The following MSRB3 variants were observed in gnomAD, a reference collection of about 807,000 sequenced individuals.
MSRB3 encodes methionine-R-sulfoxide reductase B3.
In MSRB3, 13 loss-of-function variants were observed where a neutral mutation model predicts 21.0. The ratio of observed to expected loss-of-function variants is 0.62; its 90% CI spans 0.40 to 0.98. The LOEUF (loss-of-function observed/expected upper bound fraction) is 0.98, where lower values mean the gene tolerates loss of function less well. Among genes scored for constraint, MSRB3 ranks in the 50% least tolerant of loss-of-function variants. The probability of loss-of-function intolerance (pLI) is 0.00; values close to 1 mark genes in which losing one functional copy is unlikely to be tolerated. For missense variants in MSRB3, 199 were observed against 230.3 expected, an observed-to-expected ratio of 0.86 and a Z score of 0.88; for synonymous variants, 87 against 88.6, an observed-to-expected ratio of 0.98 and a Z score of 0.10.
intron 5 of MSRB3, among the ~76,000 whole-genome samples, chr12:65,437,765 T>C (rs1456302476): frequency 6.6e-6 from 1 of 151,990 alleles, no homozygotes; most frequent in East Asian, 1.9e-4. Flanking sequence ...ATCATAAAAT[T>C]CCATTTCCCT....
Position 65,298,695 on chromosome 12 carries a change from C to G in MSRB3, c.-51-9834C>G, listed in dbSNP as rs549399179. ...CATTATAATTTTATTTAATAATTTT[C>G]TATTTTCTATGGGGAGGGATACAAA... is the stretch of plus-strand genomic sequence containing the variant. On this transcript the variant is annotated intron_variant, in intron 1 of 6. Coordinates refer to ENST00000308259, the MANE Select transcript of MSRB3 (RefSeq NM_001031679.3). Among the ~76,000 whole-genome samples the G allele has an allele frequency of 2.0e-5, 3 of 152,122 alleles. No individual in the cohort carries two copies. The East Asian group carries it at 5.8e-4, about 29-fold the overall frequency.
At chr12:65,311,842 C>A (rs961173199) in intron 2 of MSRB3, among the ~76,000 whole-genome samples, 2 of 151,912 alleles carry the variant, frequency 1.3e-5, no homozygotes, top group African/African-American at 4.8e-5. Context: ...CTGGATTGAC[C>A]TGCATGAAGG....
intron 4 of MSRB3, among the ~76,000 whole-genome samples, chr12:65,349,680 A>T (rs1224318385): frequency 0.033 from 4,502 of 137,910 alleles, 372 homozygotes; most frequent in African/African-American, 0.15. Flanking sequence ...CATTTTTTCA[A>T]GTGTTTTTTG....
intron 5 of MSRB3, among the ~76,000 whole-genome samples, chr12:65,405,442 A>G (rs1361471228): frequency 6.6e-6 from 1 of 151,260 alleles, no homozygotes; most frequent in Non-Finnish European, 1.5e-5. Context: ...TATATCATAT[A>G]TGATATATAT....
At chr12:65,317,243 T>G (rs1246886720) in intron 2 of MSRB3, among the ~76,000 whole-genome samples, 4 of 152,150 alleles carry the variant, frequency 2.6e-5, no homozygotes, top group African/African-American at 9.7e-5. Flanking sequence ...CATCATGAAA[T>G]TGAGAAACCC....
chr12:65,346,907 A>G (rs1876552979), intron 4 of MSRB3, among the ~76,000 whole-genome samples: 1 of 152,034 alleles, frequency 6.6e-6, no homozygotes, highest in South Asian at 2.1e-4. Context: ...GATATGCAGC[A>G]TTATTTCTGA....
rs531105011 is a variant in MSRB3, at chr12:65,297,258, G to A, written c.-51-11271G>A. On this transcript the variant is annotated intron_variant, in intron 1 of 6. Transcript: ENST00000308259. Reference sequence around the variant, plus strand: ...GGGAGGGAGAGCATTAGGAAAAATAGCTAATGCATGCTGGGCTTAATACCT... The same window carrying A: ...GGGAGGGAGAGCATTAGGAAAAATAACTAATGCATGCTGGGCTTAATACCT... 3.3e-5 allele frequency among the ~76,000 whole-genome samples: 5 copies of A among 152,208 alleles called. No homozygotes were observed. In the East Asian group the frequency reaches 5.8e-4, roughly 18 times the overall value.
intron 1 of MSRB3, chr12:65,286,566 G>T (rs563013147): frequency 6.6e-6 from 1 of 152,208 alleles, no homozygotes; most frequent in South Asian, 2.1e-4. Context: ...TTATAGCCGT[G>T]ACATGTCTTC....
At chr12:65,429,245 T>A (rs1445261842) in intron 5 of MSRB3, among the ~76,000 whole-genome samples, 1 of 152,132 alleles carries the variant, frequency 6.6e-6, no homozygotes, top group Non-Finnish European at 1.5e-5. Context: ...TGATAGGGAA[T>A]GATGGTGGTA....
rs538726463 is a variant in MSRB3, at chr12:65,373,865, G to A, written c.292+4839G>A. 6.0e-5 allele frequency among the ~76,000 whole-genome samples: 9 copies of A among 150,118 alleles called. 1 individual carries two copies. In the South Asian group the frequency reaches 1.7e-3, roughly 28 times the overall value. ...AAAAAGCAGCTAGTGTCGCTTTTAG[G>A]ATCTGTAGTTAAAAAGGAATCTACA... is the stretch of plus-strand genomic sequence containing the variant. On this transcript the variant is annotated intron_variant, in intron 5 of 6. Transcript: ENST00000308259.
intron 2 of MSRB3, among the ~76,000 whole-genome samples, chr12:65,310,450 C>G (rs1329405977): frequency 1.3e-5 from 2 of 152,164 alleles, no homozygotes; most frequent in African/African-American, 2.4e-5. Flanking sequence ...CTTTGCAGAA[C>G]CTTTTCAATG....
chr12:65,294,488 A>G (rs541741505), intron 1 of MSRB3, among the ~76,000 whole-genome samples: 158 of 152,120 alleles, frequency 1.0e-3, no homozygotes, highest in African/African-American at 3.7e-3. Flanking sequence ...TATACTTATC[A>G]TTTTGATGGG....
rs187621818 is a variant in MSRB3 at position 65,366,644 on chromosome 12, G to A, written c.264-2354G>A. On this transcript the variant is annotated intron_variant, in intron 4 of 6. Transcript: ENST00000308259. ...CTTGATGACTAATTAGATATTGGGG[G>A]TGCAGAAGAAATCTAGAATAATGCC... Among the ~76,000 whole-genome samples, 3 of 152,172 alleles carry A rather than the reference G, an allele frequency of 2.0e-5. No individual in the cohort carries two copies. The South Asian group carries it at 6.2e-4, about 32-fold the overall frequency.
chr12:65,338,700 A>G (rs554539140), intron 4 of MSRB3, among the ~76,000 whole-genome samples: 2 of 152,342 alleles, frequency 1.3e-5, no homozygotes, highest in East Asian at 1.9e-4. Flanking sequence ...AAAAATAACA[A>G]CAAAATCAAT....
At chr12:65,459,936 G>A (rs2136714722) in intron 6 of MSRB3, among the ~76,000 whole-genome samples, 1 of 152,276 alleles carries the variant, frequency 6.6e-6, no homozygotes, top group African/African-American at 2.4e-5. Flanking sequence ...GCTTTTCTGA[G>A]TGGGAGGCTT....
chr12:65,456,379 G>A (rs949867397), intron 6 of MSRB3, among the ~76,000 whole-genome samples: 1 of 152,052 alleles, frequency 6.6e-6, no homozygotes, highest in African/African-American at 2.4e-5. Context: ...ATTCACTGTT[G>A]GAATAAGCTT....
chr12:65,313,816 A>C (rs1874133215), intron 2 of MSRB3, among the ~76,000 whole-genome samples: 1 of 152,280 alleles, frequency 6.6e-6, no homozygotes, highest in Non-Finnish European at 1.5e-5. Flanking sequence ...TTTTTAAAGA[A>C]ATAGAAAAAA....
chr12:65,431,747 C>T (rs1371712723), intron 5 of MSRB3, among the ~76,000 whole-genome samples: 1 of 151,988 alleles, frequency 6.6e-6, no homozygotes, highest in Non-Finnish European at 1.5e-5. Context: ...TATTATAATA[C>T]ACACTCCGCT....
chr12:65,283,920 A>G (rs10506528), intron 1 of MSRB3: 16,913 of 152,164 alleles, frequency 0.11, 1,101 homozygotes, highest in East Asian at 0.28. Flanking sequence ...TTCCATGAAC[A>G]CTAATTTCCT....
Sources: allele counts gnomAD v4.1 joint callset (sites outside exome capture counted in the v4.1 genomes callset), GRCh38; gene constraint gnomAD v4.1.1; transcripts MANE v1.5; gene names NCBI Gene and HGNC (gene_info 2026-07-23, HGNC 2026-07-21).